The following PRR16 variants were observed in gnomAD, a reference collection of about 807,000 sequenced individuals.
PRR16 encodes the protein proline rich 16, also known as protein Largen.
A neutral mutation model predicts 18.2 loss-of-function variants in PRR16; 6 were observed. The observed-to-expected ratio is 0.33, with a 90% CI of 0.18 to 0.65. PRR16 has a LOEUF of 0.65. Ranked by LOEUF, PRR16 falls within the 30% of genes least tolerant of loss-of-function variation. The pLI is 0.74. For missense variants in PRR16, 412 were observed against 376.6 expected, an observed-to-expected ratio of 1.09 and a Z score of -0.78; for synonymous variants, 151 against 147.8, an observed-to-expected ratio of 1.02 and a Z score of -0.16.
intron 1 of PRR16, among the ~76,000 whole-genome samples, chr5:120,495,627 C>A (rs1038119087): frequency 2.0e-5 from 3 of 152,030 alleles, no homozygotes; most frequent in East Asian, 3.8e-4. Flanking sequence ...AGAAGACTGA[C>A]TGTAGTATGT....
chr5:120,499,888 C>T (rs1246110378), intron 1 of PRR16, among the ~76,000 whole-genome samples: 4 of 152,016 alleles, frequency 2.6e-5, no homozygotes, highest in African/African-American at 9.7e-5. Context: ...TGTAACATGT[C>T]ACTACTCCCA....
chr5:120,488,481 G>A (rs1245268154), intron 1 of PRR16, among the ~76,000 whole-genome samples: 1 of 152,128 alleles, frequency 6.6e-6, no homozygotes, highest in Non-Finnish European at 1.5e-5. Context: ...ATTTCTGTGC[G>A]ATTGGTGGTG....
At chr5:120,787,221 T>C in the PRR16 span, among the ~76,000 whole-genome samples, 17 of 152,162 alleles carry the variant, frequency 1.1e-4, no homozygotes, top group Middle Eastern at 3.2e-3. Flanking sequence ...AAAAATGTGG[T>C]TTAAAAATTT....
In PRR16 at chr5:120,464,416, G is replaced by T. The variant is rs2112789966; in HGVS notation, c.-71G>T. 1.4e-6 allele frequency: 2 copies of T among 1,469,170 alleles called. No individual in the cohort carries two copies. The highest frequency in any genetic ancestry group is 1.8e-6 in the Non-Finnish European group (2 of 1,105,464). 91.0% of individuals were successfully genotyped at this position (1,469,170 alleles called of 1,614,324 possible). ...CCGGGGCGGCAGCGGCCGTAGCAGCGCCAGGGACGGGGGCACGCAGCAGCC... is the reference window on the plus strand; with the variant it reads ...CCGGGGCGGCAGCGGCCGTAGCAGCTCCAGGGACGGGGGCACGCAGCAGCC... On this transcript the variant is annotated 5_prime_UTR_variant, in exon 1 of 2. Transcript: ENST00000407149.
chr5:120,540,356 C>T (rs965082083), intron 1 of PRR16, among the ~76,000 whole-genome samples: 2 of 152,072 alleles, frequency 1.3e-5, no homozygotes, highest in African/African-American at 2.4e-5. Flanking sequence ...ACATGATTTT[C>T]GGGCTTGGTC....
chr5:120,742,841 T>C, the PRR16 span, among the ~76,000 whole-genome samples: 9 of 152,248 alleles, frequency 5.9e-5, no homozygotes, highest in South Asian at 1.7e-3. Context: ...TAAAGAAGGA[T>C]CCATTTTCTT....
chr5:120,717,926 T>C, the PRR16 span, among the ~76,000 whole-genome samples: 1 of 152,172 alleles, frequency 6.6e-6, no homozygotes, highest in African/African-American at 2.4e-5. Flanking sequence ...AGCCTTGCAT[T>C]CAGTACTAAA....
chr5:120,625,037 CT>C (rs1754819170), intron 1 of PRR16, among the ~76,000 whole-genome samples: 1 of 152,208 alleles, frequency 6.6e-6, no homozygotes, highest in Non-Finnish European at 1.5e-5. Context: ...CAATAAACCT[CT>C]TTCCATTATA....
intron 1 of PRR16, among the ~76,000 whole-genome samples, chr5:120,538,821 A>G (rs914647874): frequency 5.3e-5 from 8 of 152,206 alleles, no homozygotes; most frequent in African/African-American, 9.6e-5. Context: ...CCCAGTAGTT[A>G]TAGTTGGGCC....
chr5:120,560,270 G>T (rs1752535084), intron 1 of PRR16, among the ~76,000 whole-genome samples: 1 of 151,762 alleles, frequency 6.6e-6, no homozygotes, highest in Non-Finnish European at 1.5e-5. Context: ...ACTAGCTGTG[G>T]GTCTCCCATA....
the PRR16 span, among the ~76,000 whole-genome samples, chr5:120,738,565 ATG>A: frequency 6.6e-6 from 1 of 152,132 alleles, no homozygotes; most frequent in Non-Finnish European, 1.5e-5. Context: ...TGATTTTTGC[ATG>A]TGTTACAAAG....
intron 1 of PRR16, among the ~76,000 whole-genome samples, chr5:120,466,495 A>G (rs1271538830): frequency 6.6e-6 from 1 of 152,128 alleles, no homozygotes; most frequent in East Asian, 1.9e-4. Flanking sequence ...ATGTCAGTCC[A>G]CTCACTTTTT....
intron 1 of PRR16, among the ~76,000 whole-genome samples, chr5:120,565,420 G>C (rs908786084): frequency 1.3e-5 from 2 of 152,184 alleles, no homozygotes; most frequent in African/African-American, 4.8e-5. Flanking sequence ...TAGTCTCTAC[G>C]TCTGTAGAAA....
intron 1 of PRR16, among the ~76,000 whole-genome samples, chr5:120,472,137 C>T (rs1163777096): frequency 6.6e-6 from 1 of 152,108 alleles, no homozygotes; most frequent in Non-Finnish European, 1.5e-5. Context: ...AGGCAAATTA[C>T]ATACTTATGC....
At chr5:120,600,385 T>C (rs1471739597) in intron 1 of PRR16, among the ~76,000 whole-genome samples, 1 of 151,892 alleles carries the variant, frequency 6.6e-6, no homozygotes, top group African/African-American at 2.4e-5. Flanking sequence ...TTTAGTTTTG[T>C]CCTTTATTTA....
chr5:120,793,761 A>T, the PRR16 span, among the ~76,000 whole-genome samples: 1 of 152,184 alleles, frequency 6.6e-6, no homozygotes, highest in African/African-American at 2.4e-5. Flanking sequence ...CTTTCTGAAA[A>T]ATGAGGAGTT....
chr5:120,628,736 AT>A (rs1754958183), intron 1 of PRR16, among the ~76,000 whole-genome samples: 3 of 141,118 alleles, frequency 2.1e-5, no homozygotes, highest in Admixed American at 1.5e-4. Flanking sequence ...CTATCTATCT[AT>A]CTATCTATCT....
intron 1 of PRR16, among the ~76,000 whole-genome samples, chr5:120,659,665 T>A (rs1348637528): frequency 6.6e-6 from 1 of 152,008 alleles, no homozygotes; most frequent in East Asian, 1.9e-4. Flanking sequence ...ATCTTCTGGG[T>A]TGGTAAATTT....
the PRR16 span, among the ~76,000 whole-genome samples, chr5:120,711,890 G>T: frequency 6.6e-6 from 1 of 152,118 alleles, no homozygotes; most frequent in Non-Finnish European, 1.5e-5. Context: ...TCTCTATGGA[G>T]CCCCTCCCAT....
Sources: allele counts gnomAD v4.1 joint callset (sites outside exome capture counted in the v4.1 genomes callset), GRCh38; gene constraint gnomAD v4.1.1; transcripts MANE v1.5; gene names NCBI Gene and HGNC (gene_info 2026-07-23, HGNC 2026-07-21).